The following GADL1 variants were observed in gnomAD, a reference collection of about 807,000 sequenced individuals.
The protein encoded by GADL1 is acidic amino acid decarboxylase GADL1.
GADL1 carries 71 observed loss-of-function variants against 69.5 expected under a neutral mutation model. The ratio of observed to expected loss-of-function variants is 1.02; its 90% CI spans 0.84 to 1.25. The LOEUF (loss-of-function observed/expected upper bound fraction) is 1.25, where lower values mean the gene tolerates loss of function less well. Ranked by LOEUF, GADL1 falls within the 50% of genes most tolerant of loss-of-function variation. GADL1 has a pLI of 0.00. For missense variants in GADL1, 737 were observed against 631.8 expected, an observed-to-expected ratio of 1.17 and a Z score of -1.79; for synonymous variants, 254 against 214.4, an observed-to-expected ratio of 1.18 and a Z score of -1.62.
chr3:30,755,585 T>TTGTG (rs3042991), intron 14 of GADL1, among the ~76,000 whole-genome samples: 379 of 151,700 alleles, frequency 2.5e-3, no homozygotes, highest in African/African-American at 8.7e-3. Context: ...CCATTTTTGC[T>TTGTG]TGTGTGTGTG....
At chr3:30,826,067 A>C (rs995200864) in intron 11 of GADL1, among the ~76,000 whole-genome samples, 3 of 151,864 alleles carry the variant, frequency 2.0e-5, no homozygotes, top group Non-Finnish European at 4.4e-5. Flanking sequence ...TTATGGCATA[A>C]ATTTTTCTTT....
At chr3:30,753,176 G>A (rs995720710) in intron 14 of GADL1, among the ~76,000 whole-genome samples, 1 of 151,938 alleles carries the variant, frequency 6.6e-6, no homozygotes, top group African/African-American at 2.4e-5. Context: ...TATTAACCAC[G>A]CTACACAGGC....
chr3:30,750,479 A>C (rs1031972237), intron 14 of GADL1, among the ~76,000 whole-genome samples: 16 of 152,278 alleles, frequency 1.1e-4, no homozygotes, highest in African/African-American at 3.6e-4. Flanking sequence ...AGGCTTCCAA[A>C]ACACCAGGTC....
intron 14 of GADL1, among the ~76,000 whole-genome samples, chr3:30,766,486 C>T (rs190671933): frequency 5.0e-3 from 757 of 152,336 alleles, no homozygotes; most frequent in African/African-American, 0.018. Context: ...TCCCACTTAG[C>T]ACTATGTGAA....
At chr3:30,871,923 T>C (rs1698488518) in intron 1 of GADL1, among the ~76,000 whole-genome samples, 1 of 150,484 alleles carries the variant, frequency 6.6e-6, no homozygotes, top group African/African-American at 2.5e-5. Context: ...TTTCTTTCAC[T>C]GGGCACAAGG....
At position 30,807,853 on chromosome 3, in the gene GADL1, G is replaced by A. The variant is rs557206472; in HGVS notation, c.1051-6765C>T. ...TTGAGAGCAGCCTGGCCAACATGGCGAAACACCATCTCTACTAAAAATACA... is the reference window on the plus strand; with the variant it reads ...TTGAGAGCAGCCTGGCCAACATGGCAAAACACCATCTCTACTAAAAATACA... On this transcript the variant is annotated intron_variant, in intron 11 of 14. Coordinates refer to ENST00000282538, the MANE Select transcript of GADL1 (RefSeq NM_207359.3). 7.3e-5 allele frequency among the ~76,000 whole-genome samples: 11 copies of A among 151,424 alleles called. No homozygotes were observed. The East Asian group carries it at 2.2e-3, about 30-fold the overall frequency.
In GADL1 at chr3:30,809,285, G is replaced by C. The variant is rs60150644; in HGVS notation, c.1051-8197C>G. ...GCTGTAGATTTTTCATTCTTTGTCA[G>C]AGTAGAAAATATTTAAAATCATCCG... On this transcript the variant is annotated intron_variant, in intron 11 of 14. Coordinates refer to ENST00000282538, the MANE Select transcript of GADL1 (RefSeq NM_207359.3). Among the ~76,000 whole-genome samples the C allele has an allele frequency of 0.015, 2,233 of 152,190 alleles. 160 individuals carry two copies. The East Asian group carries it at 0.24, about 17-fold the overall frequency.
intron 12 of GADL1, among the ~76,000 whole-genome samples, chr3:30,793,248 A>G (rs945872500): frequency 6.6e-6 from 1 of 152,210 alleles, no homozygotes; most frequent in African/African-American, 2.4e-5. Context: ...CTTCTTAAAT[A>G]AATGCTTAAA....
intron 11 of GADL1, among the ~76,000 whole-genome samples, chr3:30,808,651 G>A (rs1697298831): frequency 6.6e-6 from 1 of 152,162 alleles, no homozygotes; most frequent in Admixed American, 6.5e-5. Context: ...TCTTACATTA[G>A]CCCACTACTT....
At chr3:30,893,671 A>G (rs1698815908) in intron 1 of GADL1, among the ~76,000 whole-genome samples, 1 of 152,302 alleles carries the variant, frequency 6.6e-6, no homozygotes, top group East Asian at 1.9e-4. Flanking sequence ...GTTATGCTGG[A>G]AACTCTCCCT....
chr3:30,797,317 G>A (rs980963204), intron 12 of GADL1, among the ~76,000 whole-genome samples: 9 of 152,180 alleles, frequency 5.9e-5, no homozygotes, highest in African/African-American at 2.2e-4. Flanking sequence ...CAGACAGCTT[G>A]TTGCTCAGAA....
intron 12 of GADL1, chr3:30,798,436 C>G (rs1257616898): frequency 1.3e-5 from 2 of 152,338 alleles, no homozygotes; most frequent in African/African-American, 4.8e-5. Context: ...ATAAAACCAT[C>G]AGAGCTTGTG....
chr3:30,796,463 G>T (rs1299184238), intron 12 of GADL1, among the ~76,000 whole-genome samples: 1 of 152,126 alleles, frequency 6.6e-6, no homozygotes, highest in Non-Finnish European at 1.5e-5. Context: ...GTGAATCATC[G>T]TTACTACTGA....
At chr3:30,796,438 G>A (rs970487661) in intron 12 of GADL1, among the ~76,000 whole-genome samples, 2 of 152,134 alleles carry the variant, frequency 1.3e-5, no homozygotes, top group Non-Finnish European at 2.9e-5. Context: ...ACTCCCCAGT[G>A]CCGAGAGAGA....
intron 11 of GADL1, among the ~76,000 whole-genome samples, chr3:30,830,419 G>A (rs996672880): frequency 6.6e-6 from 1 of 151,946 alleles, no homozygotes; most frequent in Non-Finnish European, 1.5e-5. Flanking sequence ...TTATGGGGAA[G>A]TCAGCCATGA....
intron 14 of GADL1, among the ~76,000 whole-genome samples, chr3:30,761,661 CTT>C (rs1045258119): frequency 4.0e-5 from 6 of 151,888 alleles, no homozygotes; most frequent in African/African-American, 1.5e-4. Context: ...TCTGTAGTAA[CTT>C]TTTAAAAAAG....
At chr3:30,853,448 AT>A (rs1348440953) in intron 4 of GADL1, among the ~76,000 whole-genome samples, 3 of 152,158 alleles carry the variant, frequency 2.0e-5, no homozygotes, top group African/African-American at 7.2e-5. Flanking sequence ...TTCACTGATA[AT>A]TCTTAAGTTT....
At chr3:30,731,609 G>A (rs1295813855) in intron 14 of GADL1, among the ~76,000 whole-genome samples, 1 of 152,144 alleles carries the variant, frequency 6.6e-6, no homozygotes, top group East Asian at 1.9e-4. Flanking sequence ...GCGCATGACT[G>A]TACTTCCATG....
chr3:30,781,787 A>G (rs1696670801), intron 13 of GADL1, among the ~76,000 whole-genome samples: 1 of 152,182 alleles, frequency 6.6e-6, no homozygotes, highest in Admixed American at 6.5e-5. Flanking sequence ...AAAATTTAGT[A>G]CCGTGTCTGG....
Sources: gnomAD v4.1 joint callset for allele counts (sites outside exome capture counted in the v4.1 genomes callset) on GRCh38, gnomAD v4.1.1 for gene constraint, MANE v1.5 for transcripts, NCBI Gene and HGNC (gene_info 2026-07-23, HGNC 2026-07-21) for gene names.